Variants in KDM4A observed in about 807,000 individuals in gnomAD.
KDM4A encodes lysine-specific demethylase 4A.
In KDM4A, 23 loss-of-function variants were observed where a neutral mutation model predicts 127.1. That is an observed-to-expected ratio of 0.18 (90% CI 0.13 to 0.26). The LOEUF is 0.26. KDM4A is among the 10% of genes least tolerant of loss of function. KDM4A has a pLI of 1.00. For missense variants in KDM4A, 890 were observed against 1,329.1 expected (o/e 0.67, Z 5.14); for synonymous variants, 443 against 466.5 (o/e 0.95, Z 0.65).
At chr1:43,657,552 G>C (rs186725569) in intron 3 of KDM4A, among the ~76,000 whole-genome samples, 11 of 152,132 alleles carry the variant, frequency 7.2e-5, no homozygotes, top group Admixed American at 7.2e-4. Context: ...TGACCGATGA[G>C]AGAATTTACA....
At chr1:43,659,810 G>A (rs551608225) in intron 3 of KDM4A, among the ~76,000 whole-genome samples, 1 of 152,284 alleles carries the variant, frequency 6.6e-6, no homozygotes, top group African/African-American at 2.4e-5. Context: ...TGCGTAGGGC[G>A]CTTGGGCATA....
intron 12 of KDM4A, among the ~76,000 whole-genome samples, chr1:43,686,249 C>T (rs1244854202): frequency 6.8e-6 from 1 of 147,816 alleles, no homozygotes; most frequent in Non-Finnish European, 1.5e-5. Flanking sequence ...ACCTCTGCCT[C>T]CTGGTCTCGA....
intron 2 of KDM4A, 145 bp from the exon 3 acceptor site, chr1:43,655,446 T>TA: frequency 3.0e-6 from 2 of 675,202 alleles, no homozygotes; most frequent in South Asian, 4.4e-5. Context: ...GCCTGTGACT[T>TA]ACTGTGTTTT....
At chr1:43,652,474 T>G (rs1437034819) in intron 1 of KDM4A, among the ~76,000 whole-genome samples, 2 of 152,050 alleles carry the variant, frequency 1.3e-5, no homozygotes, top group Non-Finnish European at 2.9e-5. Context: ...ACCTTTTCGA[T>G]CTGTATTTCT....
chr1:43,694,644 GGA>G lies in KDM4A; in HGVS notation c.2485-64_2485-63del, dbSNP rs1425480554. On this transcript the variant is annotated intron_variant, in intron 17 of 21. Transcript: ENST00000372396. This position sits in a 1 kb window ranked among gnomAD's most constrained non-coding sequence, Gnocchi z 5.2. The stretch of plus-strand genomic sequence containing the variant: ...CTTGCTTGGCTTTGCATTTGGGAGG[GGA>G]ACAACAGAGGAAGCTGCAGTGCCAG... 1 of 1,429,214 alleles carries G rather than the reference GGA, an allele frequency of 7.0e-7. No individual in the cohort carries two copies. The highest frequency in any genetic ancestry group is 9.7e-7 in the Non-Finnish European group (1 of 1,034,922). The allele number at this position is 1,429,214 out of a possible 1,614,324, so 88.5% of individuals were successfully genotyped here.
intron 15 of KDM4A, among the ~76,000 whole-genome samples, chr1:43,691,915 CT>C (rs1266703365): frequency 6.6e-6 from 1 of 152,224 alleles, no homozygotes; most frequent in African/African-American, 2.4e-5. Flanking sequence ...ACTGTACCCC[CT>C]GGAACCTGGC....
intron 2 of KDM4A, 59 bp downstream of exon 2, chr1:43,653,372 T>C: frequency 6.7e-7 from 1 of 1,495,534 alleles, no homozygotes; most frequent in Non-Finnish European, 9.0e-7. Flanking sequence ...GTAAGATTTT[T>C]TTCCTACATT....
intron 3 of KDM4A, among the ~76,000 whole-genome samples, chr1:43,657,615 C>T (rs1469913634): frequency 1.3e-5 from 2 of 152,296 alleles, no homozygotes; most frequent in African/African-American, 2.4e-5. Flanking sequence ...CTGTATCCTT[C>T]CTGCCATCCT....
Position 43,688,893 on chromosome 1 carries a change from C to CA in KDM4A, c.1856-20dup. The CA allele has an allele frequency of 1.2e-6, 2 of 1,610,880 alleles. No individual in the cohort carries two copies. Among genetic ancestry groups the CA allele is most frequent in the Non-Finnish European group, 1.7e-6 (2 of 1,177,906 alleles). On this transcript the variant is annotated intron_variant, in intron 12 of 21. Transcript: ENST00000372396. This position sits in a 1 kb window ranked among gnomAD's most constrained non-coding sequence, Gnocchi z 4.4. ...GATGTGCAGGGTTAGTGCTGACTCA[C>CA]ACTTCTGTTTCCTCCTCTAGAGACA...
At chr1:43,689,501 T>C (rs1170488218) in intron 13 of KDM4A, among the ~76,000 whole-genome samples, 2 of 152,232 alleles carry the variant, frequency 1.3e-5, no homozygotes, top group Non-Finnish European at 2.9e-5. Flanking sequence ...ATGTTGTTTT[T>C]CCTTTCCCAT....
At chr1:43,699,959 G>C (rs972803806) in intron 19 of KDM4A, 1 of 152,066 alleles carries the variant, frequency 6.6e-6, no homozygotes, top group Admixed American at 6.6e-5. Flanking sequence ...TTGATCTCCT[G>C]ATCTCGTGAT....
At position 43,694,140 on chromosome 1, in the gene KDM4A, C is replaced by G. The variant is rs748424864; in HGVS notation, c.2484+38C>G. On this transcript the variant is annotated intron_variant, in intron 17 of 21. Transcript: ENST00000372396. The surrounding 1 kb of genome is among the most constrained non-coding windows in gnomAD (Gnocchi z 5.2). ...AGACTCTACATAATTTCCCGACTTACAAGTTTCTGGGTAGAAGAGAACAGG... is the reference window on the plus strand; with the variant it reads ...AGACTCTACATAATTTCCCGACTTAGAAGTTTCTGGGTAGAAGAGAACAGG... 6.0e-5 allele frequency: 93 copies of G among 1,537,732 alleles called. 1 individual carries two copies. The highest frequency in any genetic ancestry group is 2.6e-5 in the Non-Finnish European group (29 of 1,115,176).
At chr1:43,700,458 TTG>T (rs1488514133) in intron 19 of KDM4A, among the ~76,000 whole-genome samples, 1 of 152,126 alleles carries the variant, frequency 6.6e-6, no homozygotes, top group Non-Finnish European at 1.5e-5. Context: ...TTTCAGGTAA[TTG>T]TGTTTATTAT....
At position 43,655,784 on chromosome 1, in the gene KDM4A, C is replaced by A; in HGVS notation, c.314+18C>A. 6.3e-7 allele frequency: 1 copy of A among 1,595,928 alleles called. No homozygotes were observed. Among genetic ancestry groups the A allele is most frequent in the South Asian group, 1.1e-5 (1 of 88,768 alleles). The stretch of plus-strand genomic sequence containing the variant: ...AGCGATAAGTGAGTGGAAACCCTTT[C>A]TTACCTGACATAGCACCTAGGACCC... On this transcript the variant is annotated intron_variant, in intron 3 of 21. Coordinates refer to ENST00000372396, the MANE Select transcript of KDM4A (RefSeq NM_014663.3).
chr1:43,675,438 G>A (rs2154047616), intron 11 of KDM4A, among the ~76,000 whole-genome samples: 1 of 152,308 alleles, frequency 6.6e-6, no homozygotes, highest in East Asian at 1.9e-4. Flanking sequence ...CCTGAGAGAA[G>A]GAAACAGTTT....
At chr1:43,653,085 G>C (rs764439650) in intron 1 of KDM4A, 52 bp from the exon 2 acceptor site, 24 of 929,808 alleles carry the variant, frequency 2.6e-5, no homozygotes, top group Non-Finnish European at 3.6e-5. Context: ...GATGTTTCCA[G>C]CACTTAATTT....
intron 11 of KDM4A, among the ~76,000 whole-genome samples, chr1:43,677,356 A>G (rs942773344): frequency 3.9e-5 from 6 of 151,970 alleles, no homozygotes; most frequent in African/African-American, 1.4e-4. Context: ...AAAAAAAAAA[A>G]AAAAAAAGGA....
intron 3 of KDM4A, among the ~76,000 whole-genome samples, chr1:43,658,718 T>C (rs1006862272): frequency 3.3e-5 from 5 of 151,488 alleles, no homozygotes; most frequent in African/African-American, 1.2e-4. Context: ...TTAGACAGGA[T>C]GGTCTTGATC....
intron 6 of KDM4A, 113 bp downstream of exon 6, chr1:43,665,858 C>A: frequency 9.1e-7 from 1 of 1,098,796 alleles, no homozygotes; most frequent in Non-Finnish European, 1.4e-6. Flanking sequence ...TGTTGCAGGC[C>A]TGCAGACGGG....
Sources: allele counts gnomAD v4.1 joint callset (sites outside exome capture counted in the v4.1 genomes callset), GRCh38; gene constraint gnomAD v4.1.1; non-coding constraint Gnocchi (gnomAD v3.1); transcripts MANE v1.5; gene names NCBI Gene and HGNC (gene_info 2026-07-23, HGNC 2026-07-21).